Variants in DPP6 observed in about 807,000 individuals in gnomAD.
The protein encoded by DPP6 is dipeptidyl peptidase like 6, also known as A-type potassium channel modulatory protein DPP6.
DPP6 carries 69 observed loss-of-function variants against 122.6 expected under a neutral mutation model. The ratio of observed to expected loss-of-function variants is 0.56; its 90% CI spans 0.46 to 0.69. The LOEUF is 0.69. Ranked by LOEUF, DPP6 falls within the 30% of genes least tolerant of loss-of-function variation. The pLI, the probability that DPP6 is intolerant of heterozygous loss-of-function variation, is 0.00. For synonymous variants in DPP6, 418 were observed against 433.1 expected, an observed-to-expected ratio of 0.97 and a Z score of 0.43; for missense variants, 928 against 1,116.9, an observed-to-expected ratio of 0.83 and a Z score of 2.41.
chr7:154,090,167 C>T (rs1014993278), intron 1 of DPP6, among the ~76,000 whole-genome samples: 30 of 148,234 alleles, frequency 2.0e-4, no homozygotes, highest in Non-Finnish European at 4.1e-4. Context: ...TGGAGCCATT[C>T]GTTGGGTCGT....
chr7:154,435,386 T>C (rs1236078443), intron 1 of DPP6, among the ~76,000 whole-genome samples: 1 of 152,166 alleles, frequency 6.6e-6, no homozygotes, highest in African/African-American at 2.4e-5. Context: ...GTTTCACTAG[T>C]GGAGATGACC....
rs78703216 is a variant in DPP6, at chr7:154,239,324, C to T, written c.243+186261C>T. Reference sequence around the variant, plus strand: ...TTATACAGTTGACCCTTGAACAACACGGGTTTGAACGGAGCAGTTCCACTT... The same window carrying T: ...TTATACAGTTGACCCTTGAACAACATGGGTTTGAACGGAGCAGTTCCACTT... On this transcript the variant is annotated intron_variant, in intron 1 of 25. Transcript: ENST00000377770. 1.7e-3 allele frequency among the ~76,000 whole-genome samples: 261 copies of T among 152,276 alleles called. 1 individual carries two copies. Among genetic ancestry groups the T allele is most frequent in the African/African-American group, 6.0e-3 (251 of 41,558 alleles).
chr7:154,564,142 G>C (rs1286217721), intron 4 of DPP6, among the ~76,000 whole-genome samples: 1 of 152,134 alleles, frequency 6.6e-6, no homozygotes, highest in East Asian at 1.9e-4. Context: ...CAAGTAAGAG[G>C]ACAGCTGAGA....
At position 154,639,190 on chromosome 7, in the gene DPP6, A is replaced by G. The variant is rs143282983; in HGVS notation, c.680+1317A>G. Among the ~76,000 whole-genome samples the G allele has an allele frequency of 5.9e-5, 9 of 152,362 alleles. No individual in the cohort carries two copies. In the East Asian group the frequency reaches 1.7e-3, roughly 29 times the overall value. On this transcript the variant is annotated intron_variant, in intron 6 of 25. Coordinates refer to ENST00000377770, the MANE Select transcript of DPP6 (RefSeq NM_130797.4). ...TAAACTAATTTAATGTGGGCTTTAG[A>G]CAAAGGGAAGACGCATGTGGATCTT...
At chr7:154,151,316 G>C (rs1190668169) in intron 1 of DPP6, among the ~76,000 whole-genome samples, 2 of 152,184 alleles carry the variant, frequency 1.3e-5, no homozygotes, top group African/African-American at 4.8e-5. Flanking sequence ...TTGTCTCTGA[G>C]CTGCGGGCTT....
the DPP6 span, among the ~76,000 whole-genome samples, chr7:153,822,347 G>A: frequency 3.3e-5 from 5 of 151,808 alleles, no homozygotes; most frequent in Admixed American, 1.3e-4. Context: ...ACGCCACCAC[G>A]CCCAGCTAAT....
intron 1 of DPP6, among the ~76,000 whole-genome samples, chr7:154,272,568 G>A (rs970590713): frequency 6.6e-5 from 10 of 152,146 alleles, no homozygotes; most frequent in African/African-American, 2.2e-4. Flanking sequence ...GAAAATTGGG[G>A]GATGTCAAGA....
intron 1 of DPP6, among the ~76,000 whole-genome samples, chr7:154,133,356 C>G (rs1277699759): frequency 6.6e-6 from 1 of 152,096 alleles, no homozygotes; most frequent in East Asian, 1.9e-4. Flanking sequence ...GAGGGTGGCT[C>G]CAATACTGTG....
At chr7:154,139,728 C>T (rs1458306792) in intron 1 of DPP6, among the ~76,000 whole-genome samples, 3 of 151,918 alleles carry the variant, frequency 2.0e-5, no homozygotes, top group African/African-American at 7.3e-5. Flanking sequence ...CTTTTTACCC[C>T]ATCAGTTGTA....
At chr7:154,118,325 T>C (rs1294665272) in intron 1 of DPP6, among the ~76,000 whole-genome samples, 2 of 149,450 alleles carry the variant, frequency 1.3e-5, no homozygotes, top group Admixed American at 1.3e-4. Context: ...TGACAACATA[T>C]TAGCTTTTAG....
chr7:154,227,119 T>G (rs1489245496), intron 1 of DPP6, among the ~76,000 whole-genome samples: 1 of 152,024 alleles, frequency 6.6e-6, no homozygotes, highest in Non-Finnish European at 1.5e-5. Context: ...AAGAGATATC[T>G]GTACTCCTAG....
At chr7:154,049,179 C>A (rs2533740), upstream of DPP6, among the ~76,000 whole-genome samples, 14 of 146,014 alleles carry the variant, frequency 9.6e-5, no homozygotes, top group African/African-American at 3.1e-4. Context: ...CCACAGTGTA[C>A]TTCAGGCGTT....
intron 1 of DPP6, among the ~76,000 whole-genome samples, chr7:153,992,806 T>C (rs2533595): frequency 2.0e-5 from 3 of 152,168 alleles, no homozygotes; most frequent in Non-Finnish European, 4.4e-5. Flanking sequence ...ACGTTTTTGT[T>C]TCCTTGCTTC....
intron 3 of DPP6, among the ~76,000 whole-genome samples, chr7:154,519,246 T>C (rs1378279270): frequency 1.3e-5 from 2 of 152,206 alleles, no homozygotes; most frequent in East Asian, 3.9e-4. Context: ...TGATGCCACT[T>C]GGTAAACTTC....
At chr7:154,578,746 G>A (rs910913860) in intron 5 of DPP6, among the ~76,000 whole-genome samples, 22 of 152,258 alleles carry the variant, frequency 1.4e-4, no homozygotes, top group African/African-American at 5.1e-4. Context: ...TTTCTCTTGA[G>A]TGTGTGTGCC....
chr7:154,092,587 C>G (rs896542905), intron 1 of DPP6: 3 of 151,420 alleles, frequency 2.0e-5, no homozygotes, highest in Non-Finnish European at 4.4e-5. Context: ...TGGCCAGAAT[C>G]CTAGAGAAGT....
chr7:154,603,986 C>CTG (rs1833506352), intron 5 of DPP6, among the ~76,000 whole-genome samples: 1 of 120,800 alleles, frequency 8.3e-6, no homozygotes, highest in African/African-American at 2.6e-5. Flanking sequence ...CTTCATGGAA[C>CTG]TGTACACATG....
At chr7:153,921,200 G>A (rs977987488) in intron 1 of DPP6, among the ~76,000 whole-genome samples, 2 of 152,202 alleles carry the variant, frequency 1.3e-5, no homozygotes, top group African/African-American at 4.8e-5. Context: ...CTGGATCCCA[G>A]AGGGAAGAAG....
intron 1 of DPP6, among the ~76,000 whole-genome samples, chr7:154,422,287 G>A (rs1016872286): frequency 6.6e-6 from 1 of 152,124 alleles, no homozygotes; most frequent in Non-Finnish European, 1.5e-5. Context: ...AAGAGCAGAT[G>A]GAAAAGGGAG....
Sources: gnomAD v4.1 joint callset for allele counts (sites outside exome capture counted in the v4.1 genomes callset) on GRCh38, gnomAD v4.1.1 for gene constraint, MANE v1.5 for transcripts, NCBI Gene and HGNC (gene_info 2026-07-23, HGNC 2026-07-21) for gene names.